Variants in CDS2 observed in about 807,000 individuals in gnomAD.
The protein encoded by CDS2 is phosphatidate cytidylyltransferase 2.
In CDS2, 47 loss-of-function variants were observed where a neutral mutation model predicts 59.0. That is an observed-to-expected ratio of 0.80 (90% CI 0.63 to 1.02). CDS2 has a LOEUF of 1.02. Among genes scored for constraint, CDS2 ranks in the 50% least tolerant of loss-of-function variants. The pLI is 0.00. For missense variants in CDS2, 356 were observed against 558.9 expected (o/e 0.64, Z 3.66); for synonymous variants, 207 against 206.4 (o/e 1.00, Z -0.02).
In CDS2 at chr20:5,154,008, C is replaced by T. The variant is rs2090813057; in HGVS notation, c.58-19515C>T. ...CTGTGCACAGCTTCCCACCTTCATT[C>T]ACTGTGCTGACCTGCAGTTCCTTCC... On this transcript the variant is annotated intron_variant, in intron 1 of 12. Coordinates refer to ENST00000460006, the MANE Select transcript of CDS2 (RefSeq NM_003818.4). 2.0e-5 allele frequency among the ~76,000 whole-genome samples: 3 copies of T among 152,300 alleles called. No homozygotes were observed. The South Asian group carries it at 6.2e-4, about 32-fold the overall frequency.
At chr20:5,189,669 A>T (rs2091097722) in intron 11 of CDS2, 66 bp from the exon 12 acceptor site, 2 of 1,151,506 alleles carry the variant, frequency 1.7e-6, no homozygotes, top group African/African-American at 1.5e-5. Context: ...TTGGGGTGGG[A>T]CCATTAGGCT....
At chr20:5,183,195 TAC>T in intron 7 of CDS2, 52 bp downstream of exon 7, 1 of 1,464,586 alleles carries the variant, frequency 6.8e-7, no homozygotes, top group Non-Finnish European at 9.6e-7. Context: ...GTTTCTCGTG[TAC>T]AGATACCCCC....
At chr20:5,161,049 T>C (rs1312566502) in intron 1 of CDS2, among the ~76,000 whole-genome samples, 2 of 152,242 alleles carry the variant, frequency 1.3e-5, no homozygotes, top group Non-Finnish European at 2.9e-5. Flanking sequence ...CTGCCCTCAG[T>C]TCTTTTGGGT....
At chr20:5,134,117 T>C (rs1434570268) in intron 1 of CDS2, among the ~76,000 whole-genome samples, 1 of 152,216 alleles carries the variant, frequency 6.6e-6, no homozygotes, top group East Asian at 1.9e-4. Flanking sequence ...GACTGTGATT[T>C]AGACATTTGT....
intron 2 of CDS2, among the ~76,000 whole-genome samples, chr20:5,174,745 A>G (rs1040743766): frequency 1.3e-5 from 2 of 151,998 alleles, no homozygotes; most frequent in African/African-American, 4.8e-5. Context: ...AATTATGCAT[A>G]TTTATGGTAG....
In CDS2 at chr20:5,193,101, C is replaced by G. The variant is rs1249954506; in HGVS notation, c.*2867C>G. ...TCATAGAAACCAGGGCTGATGGGCA[C>G]CCCCCAGCCCCTGGGAGCTCTGCTC... On this transcript the variant is annotated 3_prime_UTR_variant, in exon 13 of 13. Transcript: ENST00000460006. The G allele has an allele frequency of 1.3e-5, 2 of 152,184 alleles. No individual in the cohort carries two copies. Among genetic ancestry groups the G allele is most frequent in the African/African-American group, 4.8e-5 (2 of 41,438 alleles). The allele number at this position is 152,184 out of a possible 1,614,324, so 9.4% of individuals were successfully genotyped here. A position where few individuals can be genotyped will look rare whatever the true frequency, so the allele number is the denominator to read the frequency against.
chr20:5,172,155 G>A (rs2090960691), intron 1 of CDS2, among the ~76,000 whole-genome samples: 1 of 152,180 alleles, frequency 6.6e-6, no homozygotes, highest in Non-Finnish European at 1.5e-5. Flanking sequence ...TTTGCTGTGT[G>A]CCGTGCATGG....
Position 5,160,421 on chromosome 20 carries a change from TG to T in CDS2, c.58-13098del, listed in dbSNP as rs775285174. On this transcript the variant is annotated intron_variant, in intron 1 of 12. Transcript: ENST00000460006. The stretch of plus-strand genomic sequence containing the variant: ...CACAGTAGTAGGGGAACCAGAGTTT[TG>T]GGGAGCCTTAGCAGTTTTCTTCCTG... Among the ~76,000 whole-genome samples, 16 of 152,236 alleles carry T rather than the reference TG, an allele frequency of 1.1e-4. No individual in the cohort carries two copies. The East Asian group carries it at 3.1e-3, about 29-fold the overall frequency.
Position 5,132,519 on chromosome 20 carries a change from A to G in CDS2, c.57+5370A>G, listed in dbSNP as rs182476038. 2.3e-4 allele frequency among the ~76,000 whole-genome samples: 35 copies of G among 152,360 alleles called. 1 individual carries two copies. The South Asian group carries it at 7.0e-3, about 31-fold the overall frequency. On this transcript the variant is annotated intron_variant, in intron 1 of 12. Coordinates refer to ENST00000460006, the MANE Select transcript of CDS2 (RefSeq NM_003818.4). ...TCTTTTATAATTAAAAATGGTTTTC[A>G]ATAGACTTTGAGATTGAACTACTCA...
At chr20:5,179,044 T>C in intron 5 of CDS2, 88 bp downstream of exon 5, 1 of 1,310,404 alleles carries the variant, frequency 7.6e-7, no homozygotes, top group South Asian at 1.2e-5. Flanking sequence ...TTGGTTAGTA[T>C]ACAGTTTTGT....
chr20:5,159,455 T>C (rs531214929), intron 1 of CDS2, among the ~76,000 whole-genome samples: 28 of 151,976 alleles, frequency 1.8e-4, no homozygotes, highest in Admixed American at 5.2e-4. Context: ...ATGTTAAAAT[T>C]TTATAGTTCA....
At chr20:5,165,939 A>G (rs951401977) in intron 1 of CDS2, among the ~76,000 whole-genome samples, 2 of 152,176 alleles carry the variant, frequency 1.3e-5, no homozygotes, top group Non-Finnish European at 2.9e-5. Context: ...GCTGTAAGAG[A>G]TAAGGCTGGA....
chr20:5,137,575 A>G (rs1443304880), intron 1 of CDS2, among the ~76,000 whole-genome samples: 1 of 151,976 alleles, frequency 6.6e-6, no homozygotes, highest in African/African-American at 2.4e-5. Flanking sequence ...TTTTTCAAAA[A>G]TTATCTCAGA....
chr20:5,179,122 T>G (rs1027471061), intron 5 of CDS2, among the ~76,000 whole-genome samples, 166 bp downstream of exon 5: 1 of 47,402 alleles, frequency 2.1e-5, no homozygotes, highest in Admixed American at 1.7e-4. Context: ...AGCTGTTACC[T>G]TTTTTTTTTT....
intron 5 of CDS2, among the ~76,000 whole-genome samples, chr20:5,181,305 C>A (rs1226719778): frequency 1.3e-5 from 2 of 152,174 alleles, no homozygotes; most frequent in African/African-American, 4.8e-5. Context: ...CCAAAGTCAG[C>A]CAATCAGTGC....
chr20:5,132,435 T>C (rs1196633095), intron 1 of CDS2, among the ~76,000 whole-genome samples: 3 of 152,132 alleles, frequency 2.0e-5, no homozygotes, highest in African/African-American at 7.2e-5. Context: ...TTTTCAGTAC[T>C]CCGAATCACA....
At chr20:5,130,147 G>T (rs1369944957) in intron 1 of CDS2, among the ~76,000 whole-genome samples, 3 of 151,772 alleles carry the variant, frequency 2.0e-5, no homozygotes, top group South Asian at 2.1e-4. Context: ...TAATTTTTTT[G>T]TGTTTTTAGT....
In CDS2 at chr20:5,191,681, A is replaced by G. The variant is rs891431652; in HGVS notation, c.*1447A>G. The stretch of plus-strand genomic sequence containing the variant: ...GTGCACAGTCAGCCCAGGTCTCTAG[A>G]GTGTCCAGCAGAGGATGGAGCCCTC... On this transcript the variant is annotated 3_prime_UTR_variant, in exon 13 of 13. Coordinates refer to ENST00000460006, the MANE Select transcript of CDS2 (RefSeq NM_003818.4). The G allele has an allele frequency of 6.6e-6, 1 of 152,146 alleles. No homozygotes were observed. Among genetic ancestry groups the G allele is most frequent in the African/African-American group, 2.4e-5 (1 of 41,430 alleles). 9.4% of individuals were successfully genotyped at this position (152,146 alleles called of 1,614,324 possible).
chr20:5,182,340 A>G, intron 5 of CDS2, 47 bp from the exon 6 acceptor site: 1 of 1,547,802 alleles, frequency 6.5e-7, no homozygotes, highest in Non-Finnish European at 8.8e-7. Flanking sequence ...GCAAAGATAA[A>G]TGCAGAACAT....
Sources: gnomAD v4.1 joint callset for allele counts (sites outside exome capture counted in the v4.1 genomes callset) on GRCh38, gnomAD v4.1.1 for gene constraint, MANE v1.5 for transcripts, NCBI Gene and HGNC (gene_info 2026-07-23, HGNC 2026-07-21) for gene names.